Variants in AUTS2 observed in about 807,000 individuals in gnomAD.
AUTS2 encodes the protein autism susceptibility gene 2 protein.
In AUTS2, 17 loss-of-function variants were observed where a neutral mutation model predicts 112.4. That is an observed-to-expected ratio of 0.15 (90% CI 0.10 to 0.23). AUTS2 has a LOEUF of 0.23. AUTS2 is among the 10% of genes least tolerant of loss of function. AUTS2 has a pLI of 1.00. For missense variants in AUTS2, 1,510 were observed against 1,701.6 expected (o/e 0.89, Z 1.98); for synonymous variants, 751 against 702.7 (o/e 1.07, Z -1.09).
intron 5 of AUTS2, among the ~76,000 whole-genome samples, chr7:70,697,175 A>G (rs951292788): frequency 4.6e-5 from 7 of 152,076 alleles, no homozygotes; most frequent in African/African-American, 1.4e-4. Context: ...GTACTGTTAT[A>G]TATAGTTTAA....
At chr7:69,739,836 G>A (rs1046900015) in intron 1 of AUTS2, among the ~76,000 whole-genome samples, 2 of 152,272 alleles carry the variant, frequency 1.3e-5, no homozygotes, top group East Asian at 3.9e-4. Flanking sequence ...GTTGTCGTCG[G>A]TGTATAGAAT....
At position 70,582,975 on chromosome 7, in the gene AUTS2, G is replaced by A. The variant is rs769689024; in HGVS notation, c.691-115594G>A. On this transcript the variant is annotated intron_variant, in intron 5 of 18. Coordinates refer to ENST00000342771, the MANE Select transcript of AUTS2 (RefSeq NM_015570.4). ...CAAACTTCTTTGGGTTAAAAATAGG[G>A]AAGGACTTGTTTTAATACAGTGTAG... Among the ~76,000 whole-genome samples, 110 of 152,146 alleles carry A rather than the reference G, an allele frequency of 7.2e-4. 1 individual carries two copies. Among genetic ancestry groups the A allele is most frequent in the Non-Finnish European group, 7.6e-4 (52 of 68,038 alleles).
At chr7:70,635,889 G>T (rs1020544541) in intron 5 of AUTS2, among the ~76,000 whole-genome samples, 28 of 152,180 alleles carry the variant, frequency 1.8e-4, no homozygotes, top group African/African-American at 6.8e-4. Flanking sequence ...GAGCACCCAG[G>T]CACTTTCAGC....
intron 5 of AUTS2, among the ~76,000 whole-genome samples, chr7:70,639,361 C>T (rs1366806006): frequency 1.3e-5 from 2 of 151,968 alleles, no homozygotes; most frequent in African/African-American, 4.8e-5. Flanking sequence ...AACCTTTCCC[C>T]CTCTCCTCTA....
intron 6 of AUTS2, among the ~76,000 whole-genome samples, chr7:70,731,651 G>A (rs1190211000): frequency 3.3e-5 from 5 of 151,466 alleles, no homozygotes; most frequent in African/African-American, 9.7e-5. Context: ...GGATGGTCTC[G>A]ATCTCCTGAC....
chr7:69,796,331 A>G (rs1789839061), intron 1 of AUTS2, among the ~76,000 whole-genome samples: 1 of 152,186 alleles, frequency 6.6e-6, no homozygotes, highest in Admixed American at 6.5e-5. Context: ...CAGCCTGAGC[A>G]ATACAGTGAG....
intron 6 of AUTS2, among the ~76,000 whole-genome samples, chr7:70,700,939 A>G (rs1345806403): frequency 6.6e-6 from 1 of 152,218 alleles, no homozygotes; most frequent in East Asian, 1.9e-4. Flanking sequence ...CAAGAGCAAT[A>G]AAAAGCATCA....
intron 2 of AUTS2, among the ~76,000 whole-genome samples, chr7:70,079,131 G>T (rs572034890): frequency 6.6e-6 from 1 of 152,200 alleles, no homozygotes; most frequent in South Asian, 2.1e-4. Flanking sequence ...TGTGGACTGC[G>T]TATCTTTATG....
At chr7:69,822,693 A>C (rs1271855980) in intron 1 of AUTS2, among the ~76,000 whole-genome samples, 1 of 152,218 alleles carries the variant, frequency 6.6e-6, no homozygotes, top group African/African-American at 2.4e-5. Flanking sequence ...CACAGGACAG[A>C]TAGAATCTTG....
chr7:70,365,391 G>A (rs1792522948), intron 4 of AUTS2, among the ~76,000 whole-genome samples: 1 of 152,244 alleles, frequency 6.6e-6, no homozygotes, highest in African/African-American at 2.4e-5. Context: ...CTCAAGCTCA[G>A]AACAGATGGA....
At chr7:70,723,177 C>T (rs942448823) in intron 6 of AUTS2, among the ~76,000 whole-genome samples, 1 of 152,216 alleles carries the variant, frequency 6.6e-6, no homozygotes, top group Non-Finnish European at 1.5e-5. Context: ...TTTTGGAACT[C>T]CTGACTGAAA....
intron 2 of AUTS2, among the ~76,000 whole-genome samples, chr7:69,934,705 C>T (rs1240598635): frequency 6.6e-6 from 1 of 152,164 alleles, no homozygotes; most frequent in African/African-American, 2.4e-5. Context: ...ACCTTGTTTG[C>T]ACCACAACCA....
intron 2 of AUTS2, among the ~76,000 whole-genome samples, chr7:70,088,997 C>G (rs1803767761): frequency 6.6e-6 from 1 of 152,162 alleles, no homozygotes; most frequent in Non-Finnish European, 1.5e-5. Context: ...TTTACTGAGA[C>G]TTGCTTTGTG....
intron 1 of AUTS2, among the ~76,000 whole-genome samples, chr7:69,641,148 A>G (rs1208023085): frequency 6.6e-6 from 1 of 152,186 alleles, no homozygotes; most frequent in Non-Finnish European, 1.5e-5. Context: ...CCAGTGGAGG[A>G]GACAGACATG....
chr7:69,964,190 A>G (rs1265333656), intron 2 of AUTS2, among the ~76,000 whole-genome samples: 1 of 152,176 alleles, frequency 6.6e-6, no homozygotes. Flanking sequence ...ATGCAGTGGC[A>G]TGCTGGAGCC....
At chr7:70,239,715 G>A (rs760025385) in intron 4 of AUTS2, among the ~76,000 whole-genome samples, 38 of 152,104 alleles carry the variant, frequency 2.5e-4, no homozygotes, top group Non-Finnish European at 4.1e-4. Context: ...GATTACAGGC[G>A]TGAGCCACCA....
rs976068177 is a variant in AUTS2, at chr7:70,089,420, T to G, written c.523-28712T>G. Among the ~76,000 whole-genome samples the G allele has an allele frequency of 2.0e-5, 3 of 152,282 alleles. No individual in the cohort carries two copies. In the East Asian group the frequency reaches 5.8e-4, roughly 29 times the overall value. ...AAATATATTTTGTCTGCTATTGATA[T>G]AGCTATTGCAGCTCACTTTTGATAG... On this transcript the variant is annotated intron_variant, in intron 2 of 18. Transcript: ENST00000342771.
chr7:70,484,046 A>G (rs1432156326), intron 5 of AUTS2, among the ~76,000 whole-genome samples: 2 of 152,342 alleles, frequency 1.3e-5, no homozygotes, highest in African/African-American at 2.4e-5. Context: ...TTGAATTATT[A>G]TGGAAGTAAG....
chr7:69,978,890 A>ACG (rs1319806777), intron 2 of AUTS2, among the ~76,000 whole-genome samples: 3 of 150,046 alleles, frequency 2.0e-5, no homozygotes, highest in Admixed American at 2.0e-4. Context: ...ACACACACAC[A>ACG]CACACACACA....
Sources: allele counts gnomAD v4.1 joint callset (sites outside exome capture counted in the v4.1 genomes callset), GRCh38; gene constraint gnomAD v4.1.1; transcripts MANE v1.5; gene names NCBI Gene and HGNC (gene_info 2026-07-23, HGNC 2026-07-21).